The following ZC3H14 variants were observed in gnomAD, a reference collection of about 807,000 sequenced individuals.
ZC3H14 encodes the protein zinc finger CCCH domain-containing protein 14.
In ZC3H14, 31 loss-of-function variants were observed where a neutral mutation model predicts 92.4. That is an observed-to-expected ratio of 0.34 (90% CI 0.25 to 0.45). The LOEUF is 0.45. Ranked by LOEUF, ZC3H14 falls within the 20% of genes least tolerant of loss-of-function variation. ZC3H14 has a pLI of 1.00. For missense variants in ZC3H14, 781 were observed against 897.3 expected (o/e 0.87, Z 1.66); for synonymous variants, 321 against 300.9 (o/e 1.07, Z -0.69).
intron 9 of ZC3H14, chr14:88,586,828 A>C (rs1435345732): frequency 6.6e-6 from 1 of 152,224 alleles, no homozygotes; most frequent in Non-Finnish European, 1.5e-5. Flanking sequence ...AAAAAAGATT[A>C]AAAATAAAAA....
At chr14:88,610,088 G>T (rs76847904) in intron 15 of ZC3H14, among the ~76,000 whole-genome samples, 1 of 152,046 alleles carries the variant, frequency 6.6e-6, no homozygotes, top group East Asian at 1.9e-4. Flanking sequence ...GGGTTTTAGC[G>T]GGGGCTGGGG....
chr14:88,576,496 C>A (rs1208449500), intron 8 of ZC3H14, among the ~76,000 whole-genome samples: 1 of 152,142 alleles, frequency 6.6e-6, no homozygotes, highest in Non-Finnish European at 1.5e-5. Flanking sequence ...ATTACGTTTT[C>A]AAAACAGGAG....
intron 13 of ZC3H14, chr14:88,608,805 C>T (rs962639890): frequency 1.8e-5 from 3 of 162,208 alleles, no homozygotes; most frequent in African/African-American, 4.8e-5. Context: ...TTTGGGGCTT[C>T]TTTTTTTTGC....
Position 88,616,891 on chromosome 14 carries a change from G to A in ZC3H14, c.*5140G>A, listed in dbSNP as rs762379412. 86 of 1,610,218 alleles carry A rather than the reference G, an allele frequency of 5.3e-5. No homozygotes were observed. The highest frequency in any genetic ancestry group is 4.9e-4 in the Admixed American group (29 of 59,208). On this transcript the variant is annotated 3_prime_UTR_variant, in exon 17 of 17. Transcript: ENST00000251038. The stretch of plus-strand genomic sequence containing the variant: ...CATCTCCTAGAATACTAGAGGGAAG[G>A]AACAAAAGAAAACTCATCATGGCAA...
intron 9 of ZC3H14, among the ~76,000 whole-genome samples, chr14:88,593,607 T>TA (rs1236207980): frequency 2.0e-5 from 3 of 152,202 alleles, no homozygotes; most frequent in African/African-American, 7.2e-5. Flanking sequence ...GCAGCGGTGT[T>TA]AAGACAGTTT....
intron 9 of ZC3H14, among the ~76,000 whole-genome samples, chr14:88,593,464 G>T (rs938241690): frequency 1.3e-5 from 2 of 152,206 alleles, no homozygotes; most frequent in Admixed American, 6.5e-5. Flanking sequence ...TATGTTGCTT[G>T]ATTTCAAAAC....
In ZC3H14 at chr14:88,619,375, C is replaced by G. The variant is rs978921914; in HGVS notation, c.*7624C>G. 2 of 152,280 alleles carry G rather than the reference C, an allele frequency of 1.3e-5. No individual in the cohort carries two copies. Among genetic ancestry groups the G allele is most frequent in the African/African-American group, 4.8e-5 (2 of 41,420 alleles). 9.4% of individuals were successfully genotyped at this position (152,280 alleles called of 1,614,324 possible). A position where few individuals can be genotyped will look rare whatever the true frequency, so the allele number is the denominator to read the frequency against. ...AGCAAAACTCCAACTCAAAACAAAACAAAACAAAATTTAATTTTTTAAATA... is the reference window on the plus strand; with the variant it reads ...AGCAAAACTCCAACTCAAAACAAAAGAAAACAAAATTTAATTTTTTAAATA... On this transcript the variant is annotated 3_prime_UTR_variant, in exon 17 of 17. Coordinates refer to ENST00000251038, the MANE Select transcript of ZC3H14 (RefSeq NM_024824.5).
chr14:88,573,617 CAG>C (rs928090631), intron 6 of ZC3H14: 4 of 151,940 alleles, frequency 2.6e-5, no homozygotes, highest in East Asian at 3.9e-4. Context: ...TTAGCAAAGA[CAG>C]GGTTTCACCG....
rs2087899743 is a variant in ZC3H14 at position 88,617,600 on chromosome 14, T to G, written c.*5849T>G. ...CCTGGGCAATATTGTGAGATCCCTA[T>G]CTCTACAAAAATAAAAATGACTTAT... is the stretch of plus-strand genomic sequence containing the variant. On this transcript the variant is annotated 3_prime_UTR_variant, in exon 17 of 17. Transcript: ENST00000251038. 6.6e-6 allele frequency: 1 copy of G among 152,128 alleles called. No individual in the cohort carries two copies. The highest frequency in any genetic ancestry group is 6.6e-5 in the Admixed American group (1 of 15,258). The allele number at this position is 152,128 out of a possible 1,614,324, so 9.4% of individuals were successfully genotyped here.
intron 4 of ZC3H14, among the ~76,000 whole-genome samples, chr14:88,571,347 A>G (rs996464549): frequency 1.3e-5 from 2 of 152,180 alleles, no homozygotes; most frequent in Non-Finnish European, 2.9e-5. Context: ...TCCGAAGGAA[A>G]TAATTACATA....
chr14:88,609,686 A>T, intron 14 of ZC3H14, 26 bp from the exon 15 acceptor site: 1 of 1,612,888 alleles, frequency 6.2e-7, no homozygotes, highest in Non-Finnish European at 8.5e-7. Flanking sequence ...CAGATTGGAG[A>T]TCAGTCCTGG....
At position 88,618,440 on chromosome 14, in the gene ZC3H14, T is replaced by A; in HGVS notation, c.*6689T>A. 1 of 1,132,688 alleles carries A rather than the reference T, an allele frequency of 8.8e-7. No homozygotes were observed. Among genetic ancestry groups the A allele is most frequent in the Non-Finnish European group, 1.3e-6 (1 of 782,762 alleles). 70.2% of individuals were successfully genotyped at this position (1,132,688 alleles called of 1,614,324 possible). A position where few individuals can be genotyped will look rare whatever the true frequency, so the allele number is the denominator to read the frequency against. ...TGCTACTTGATTTACATGTCTAACATTATTAAGTATGCAAAAGATCACTAC... is the reference window on the plus strand; with the variant it reads ...TGCTACTTGATTTACATGTCTAACAATATTAAGTATGCAAAAGATCACTAC... On this transcript the variant is annotated 3_prime_UTR_variant, in exon 17 of 17. Coordinates refer to ENST00000251038, the MANE Select transcript of ZC3H14 (RefSeq NM_024824.5).
At chr14:88,599,987 A>G (rs182950869) in intron 10 of ZC3H14, among the ~76,000 whole-genome samples, 2 of 152,252 alleles carry the variant, frequency 1.3e-5, no homozygotes, top group Admixed American at 1.3e-4. Flanking sequence ...TATGTTAAAC[A>G]CTTCTGTCAC....
In ZC3H14 at chr14:88,622,145, G is replaced by C. The variant is rs867689903; in HGVS notation, c.*10394G>C. 14 of 183,686 alleles carry C rather than the reference G, an allele frequency of 7.6e-5. No homozygotes were observed. The Middle Eastern group carries it at 2.8e-3, about 36-fold the overall frequency. 11.4% of individuals were successfully genotyped at this position (183,686 alleles called of 1,614,324 possible). ...ACATGTATTTATCTTTCTGTGCCTGGCTTATTTCACTTCACATCATGTCCT... is the reference window on the plus strand; with the variant it reads ...ACATGTATTTATCTTTCTGTGCCTGCCTTATTTCACTTCACATCATGTCCT... On this transcript the variant is annotated 3_prime_UTR_variant, in exon 17 of 17. Transcript: ENST00000251038.
At chr14:88,582,017 T>C (rs1566924996) in intron 9 of ZC3H14, among the ~76,000 whole-genome samples, 1 of 152,356 alleles carries the variant, frequency 6.6e-6, no homozygotes, top group South Asian at 2.1e-4. Context: ...TATTCATGTA[T>C]GTATTGTCCG....
chr14:88,592,490 C>CTTTTTTTT (rs1566945839), intron 9 of ZC3H14: 2 of 115,984 alleles, frequency 1.7e-5, no homozygotes, highest in African/African-American at 3.1e-5. Flanking sequence ...TATAAGGATT[C>CTTTTTTTT]CTTTTTTTTT....
chr14:88,590,501 A>T (rs2082994562), intron 9 of ZC3H14: 2 of 152,100 alleles, frequency 1.3e-5, no homozygotes, highest in South Asian at 4.1e-4. Context: ...TTTACTTTGG[A>T]TGTTCTCATA....
rs2087645839 is a variant in ZC3H14 at position 88,616,523 on chromosome 14, T to C, written c.*4772T>C. On this transcript the variant is annotated 3_prime_UTR_variant, in exon 17 of 17. Coordinates refer to ENST00000251038, the MANE Select transcript of ZC3H14 (RefSeq NM_024824.5). ...TTGGTGAAAAGCTAATTACAGCTTT[T>C]GTAGGATGGTTCCAAAGATGGTATT... The C allele has an allele frequency of 1.6e-6, 1 of 610,600 alleles. No homozygotes were observed. The highest frequency in any genetic ancestry group is 3.0e-5 in the Admixed American group (1 of 33,316). 37.8% of individuals were successfully genotyped at this position (610,600 alleles called of 1,614,324 possible).
intron 12 of ZC3H14, among the ~76,000 whole-genome samples, chr14:88,604,473 A>C (rs1022602825): frequency 6.6e-6 from 1 of 152,064 alleles, no homozygotes; most frequent in African/African-American, 2.4e-5. Context: ...TTGAAACTGC[A>C]ATTGCTTCTG....
Sources: gnomAD v4.1 joint callset for allele counts (sites outside exome capture counted in the v4.1 genomes callset) on GRCh38, gnomAD v4.1.1 for gene constraint, MANE v1.5 for transcripts, NCBI Gene and HGNC (gene_info 2026-07-23, HGNC 2026-07-21) for gene names.